Variants in CDH8 observed in about 807,000 individuals in gnomAD.
CDH8 encodes the protein cadherin-8.
CDH8 carries 17 observed loss-of-function variants against 68.1 expected under a neutral mutation model. The ratio of observed to expected loss-of-function variants is 0.25; its 90% CI spans 0.17 to 0.37. The LOEUF is 0.37. Among genes scored for constraint, CDH8 ranks in the 10% least tolerant of loss-of-function variants. The pLI, the probability that CDH8 is intolerant of heterozygous loss-of-function variation, is 1.00. For synonymous variants in CDH8, 372 were observed against 365.1 expected (o/e 1.02, Z -0.21); for missense variants, 763 against 999.3 (o/e 0.76, Z 3.19).
intron 3 of CDH8, among the ~76,000 whole-genome samples, chr16:61,871,812 A>T (rs1281578713): frequency 1.0e-5 from 1 of 98,292 alleles, no homozygotes; most frequent in Non-Finnish European, 1.9e-5. Context: ...ATTGTTCTAT[A>T]TGCAAAAAAA....
At chr16:61,892,930 T>G (rs1963802940) in intron 3 of CDH8, among the ~76,000 whole-genome samples, 1 of 152,180 alleles carries the variant, frequency 6.6e-6, no homozygotes, top group African/African-American at 2.4e-5. Context: ...CATTTTAGAA[T>G]GCAGTTATAG....
rs984481310 is a variant in CDH8, at chr16:61,721,357, C to A, written c.1536+5737G>T. Among the ~76,000 whole-genome samples the A allele has an allele frequency of 4.0e-5, 6 of 150,818 alleles. No homozygotes were observed. The Admixed American group carries it at 4.0e-4, about 10-fold the overall frequency. ...CAATCCTGTCTCCCTCTTGTGTATG[C>A]AGATATATTATGAAAGATGCCTGCT... On this transcript the variant is annotated intron_variant, in intron 9 of 11. Transcript: ENST00000577390.
chr16:61,675,217 A>C (rs913900947), intron 10 of CDH8, among the ~76,000 whole-genome samples: 6 of 152,126 alleles, frequency 3.9e-5, no homozygotes, highest in Non-Finnish European at 8.8e-5. Flanking sequence ...CAACAATGAT[A>C]GACTGGATTA....
chr16:61,964,618 C>T (rs897829270), intron 2 of CDH8, among the ~76,000 whole-genome samples: 13 of 151,874 alleles, frequency 8.6e-5, no homozygotes, highest in African/African-American at 2.9e-4. Context: ...GGTCCTAGCT[C>T]AACTCTTGAG....
intron 10 of CDH8, among the ~76,000 whole-genome samples, chr16:61,702,232 A>C (rs913676150): frequency 2.6e-5 from 4 of 152,068 alleles, no homozygotes; most frequent in East Asian, 1.9e-4. Flanking sequence ...ATTAGCCGGG[A>C]GTGGCGGCGG....
chr16:61,970,969 C>G (rs1226922252), intron 2 of CDH8, among the ~76,000 whole-genome samples: 3 of 152,188 alleles, frequency 2.0e-5, no homozygotes, highest in East Asian at 1.9e-4. Context: ...TAATCTCCCC[C>G]ACCCTTAAGA....
intron 10 of CDH8, among the ~76,000 whole-genome samples, chr16:61,663,859 T>G (rs1963616652): frequency 6.6e-6 from 1 of 151,090 alleles, no homozygotes; most frequent in Non-Finnish European, 1.5e-5. Flanking sequence ...TAAACATGTA[T>G]AACTATATAT....
chr16:61,682,279 G>T (rs1013773061), intron 10 of CDH8, among the ~76,000 whole-genome samples: 1 of 151,692 alleles, frequency 6.6e-6, no homozygotes, highest in African/African-American at 2.4e-5. Flanking sequence ...CATGTATTAG[G>T]AAAAAATAGT....
intron 2 of CDH8, among the ~76,000 whole-genome samples, chr16:62,009,214 G>A (rs1901746548): frequency 6.6e-6 from 1 of 152,162 alleles, no homozygotes; most frequent in Non-Finnish European, 1.5e-5. Flanking sequence ...AAGGCATAAA[G>A]GGGTTATTCT....
At chr16:61,686,450 A>C (rs1964109123) in intron 10 of CDH8, among the ~76,000 whole-genome samples, 1 of 152,002 alleles carries the variant, frequency 6.6e-6, no homozygotes, top group African/African-American at 2.4e-5. Flanking sequence ...TATTTTAAAA[A>C]TCAGCAGTTG....
chr16:61,990,851 CGAAG>C (rs1429234478), intron 2 of CDH8, among the ~76,000 whole-genome samples: 3 of 100,820 alleles, frequency 3.0e-5, no homozygotes, highest in Admixed American at 1.4e-4. Context: ...AGAGATGGAA[CGAAG>C]GGAGGGAGGG....
chr16:61,658,116 G>A (rs1963486723), intron 10 of CDH8, among the ~76,000 whole-genome samples: 1 of 151,724 alleles, frequency 6.6e-6, no homozygotes, highest in Non-Finnish European at 1.5e-5. Flanking sequence ...TTTTGGATTG[G>A]TAATTGTATT....
Position 61,660,073 on chromosome 16 carries a change from C to G in CDH8, c.1655-4352G>C, listed in dbSNP as rs1456322611. On this transcript the variant is annotated intron_variant, in intron 10 of 11. Coordinates refer to ENST00000577390, the MANE Select transcript of CDH8 (RefSeq NM_001796.5). ...TGGACATACCCATGCTTGAGATTCC[C>G]TGAAGTGAAACATCATGGGTTTAAT... 3.3e-5 allele frequency among the ~76,000 whole-genome samples: 5 copies of G among 152,214 alleles called. No homozygotes were observed. In the East Asian group the frequency reaches 9.7e-4, roughly 29 times the overall value.
intron 3 of CDH8, among the ~76,000 whole-genome samples, chr16:61,878,318 T>C (rs550289541): frequency 6.6e-6 from 1 of 152,324 alleles, no homozygotes; most frequent in African/African-American, 2.4e-5. Flanking sequence ...GAGAAATGAA[T>C]GAAGTCATAC....
chr16:61,901,558 G>T, intron 2 of CDH8, 85 bp from the exon 3 acceptor site: 1 of 947,246 alleles, frequency 1.1e-6, no homozygotes, highest in Non-Finnish European at 1.6e-6. Flanking sequence ...TATTAAGTTG[G>T]TTCTTTTTAC....
chr16:61,739,176 T>C (rs17248947), intron 8 of CDH8, among the ~76,000 whole-genome samples: 3,698 of 152,294 alleles, frequency 0.024, 56 homozygotes, highest in Admixed American at 0.049. Flanking sequence ...GACTCGAGAT[T>C]ATTGGAAGTG....
chr16:61,731,930 T>G (rs1959549538), intron 8 of CDH8, among the ~76,000 whole-genome samples: 1 of 151,456 alleles, frequency 6.6e-6, no homozygotes, highest in South Asian at 2.1e-4. Flanking sequence ...ACAGAAATTA[T>G]TAAAAAGGAA....
chr16:61,999,597 T>C (rs951781606), intron 2 of CDH8, among the ~76,000 whole-genome samples: 5 of 152,152 alleles, frequency 3.3e-5, no homozygotes, highest in Non-Finnish European at 7.3e-5. Flanking sequence ...CATCTAACTT[T>C]TAGGTTTATT....
intron 10 of CDH8, chr16:61,693,739 G>A (rs966860734): frequency 6.6e-6 from 1 of 152,150 alleles, no homozygotes; most frequent in African/African-American, 2.4e-5. Context: ...GAGGTATGAT[G>A]CAAGAAAGTA....
Sources: allele counts gnomAD v4.1 joint callset (sites outside exome capture counted in the v4.1 genomes callset), GRCh38; gene constraint gnomAD v4.1.1; transcripts MANE v1.5; gene names NCBI Gene and HGNC (gene_info 2026-07-23, HGNC 2026-07-21).